ADORA1: variants seen among roughly 807,000 people sequenced by gnomAD.
ADORA1 encodes the protein adenosine receptor A1.
A neutral mutation model predicts 19.9 loss-of-function variants in ADORA1; 6 were observed. The ratio of observed to expected loss-of-function variants is 0.30; its 90% CI spans 0.17 to 0.59. The LOEUF is 0.59. ADORA1 is among the 20% of genes least tolerant of loss of function. ADORA1 has a pLI of 0.87. For synonymous variants in ADORA1, 194 were observed against 188.4 expected, an observed-to-expected ratio of 1.03 and a Z score of -0.24; for missense variants, 302 against 439.2, an observed-to-expected ratio of 0.69 and a Z score of 2.79.
At chr1:203,136,716 C>T (rs1365009970) in intron 3 of ADORA1, among the ~76,000 whole-genome samples, 2 of 152,002 alleles carry the variant, frequency 1.3e-5, no homozygotes, top group Admixed American at 6.5e-5. Flanking sequence ...TCCCACTCCA[C>T]ACTCACTCCA....
At chr1:203,129,387 A>G in intron 3 of ADORA1, 1 of 725,608 alleles carries the variant, frequency 1.4e-6, no homozygotes, top group Non-Finnish European at 1.7e-6. Context: ...GGAGGACTGT[A>G]CTGTGAACTT....
At chr1:203,141,288 G>A (rs933119071) in intron 3 of ADORA1, among the ~76,000 whole-genome samples, 1 of 152,242 alleles carries the variant, frequency 6.6e-6, no homozygotes, top group African/African-American at 2.4e-5. Context: ...ACTTTGCACT[G>A]CAGTTGGCAG....
At chr1:203,158,536 A>T (rs895940727) in intron 3 of ADORA1, among the ~76,000 whole-genome samples, 3 of 152,192 alleles carry the variant, frequency 2.0e-5, no homozygotes, top group African/African-American at 7.2e-5. Context: ...TGCTCCATTT[A>T]TGGCAGTCTG....
At chr1:203,153,976 G>A (rs1655115069) in intron 3 of ADORA1, among the ~76,000 whole-genome samples, 1 of 152,160 alleles carries the variant, frequency 6.6e-6, no homozygotes, top group South Asian at 2.1e-4. Flanking sequence ...CAAGAGTGAG[G>A]GAACGGAAGA....
chr1:203,151,788 GC>G (rs1655043987), intron 3 of ADORA1, among the ~76,000 whole-genome samples: 2 of 151,208 alleles, frequency 1.3e-5, no homozygotes, highest in African/African-American at 4.9e-5. Flanking sequence ...ATGCATGCAT[GC>G]ATTCATTCAT....
At chr1:203,129,610 G>A (rs1654269075) in intron 3 of ADORA1, 2 of 168,372 alleles carry the variant, frequency 1.2e-5, no homozygotes, top group South Asian at 3.5e-4. Flanking sequence ...AACATACTGA[G>A]GGTGGCACAA....
At chr1:203,136,812 G>A (rs920938007) in intron 3 of ADORA1, among the ~76,000 whole-genome samples, 1 of 152,020 alleles carries the variant, frequency 6.6e-6, no homozygotes, top group South Asian at 2.1e-4. Flanking sequence ...CAGCTGATTT[G>A]TCCCTACACC....
At chr1:203,132,707 C>T (rs945096624) in intron 3 of ADORA1, among the ~76,000 whole-genome samples, 5 of 152,058 alleles carry the variant, frequency 3.3e-5, no homozygotes, top group Admixed American at 6.5e-5. Context: ...AATAGCTGGG[C>T]GTGGTGGCAC....
chr1:203,147,167 C>T (rs925044130), intron 3 of ADORA1, among the ~76,000 whole-genome samples: 10 of 152,218 alleles, frequency 6.6e-5, no homozygotes, highest in East Asian at 1.9e-4. Context: ...TGCTCTTCTT[C>T]GCTCACAAGC....
chr1:203,158,458 A>T (rs995306425), intron 3 of ADORA1, among the ~76,000 whole-genome samples: 1 of 152,166 alleles, frequency 6.6e-6, no homozygotes. Flanking sequence ...CATTCAAATC[A>T]TCCCTTAAAA....
chr1:203,141,868 C>T (rs770768927), intron 3 of ADORA1, among the ~76,000 whole-genome samples: 6 of 152,138 alleles, frequency 3.9e-5, no homozygotes, highest in Non-Finnish European at 7.3e-5. Context: ...CAGGCATGAG[C>T]CACCACACCC....
chr1:203,166,206 G>C lies in ADORA1; in HGVS notation c.*306G>C, dbSNP rs1655549400. 2 of 273,682 alleles carry C rather than the reference G, an allele frequency of 7.3e-6. No homozygotes were observed. Among genetic ancestry groups the C allele is most frequent in the South Asian group, 3.2e-4 (2 of 6,248 alleles). 17.0% of individuals were successfully genotyped at this position (273,682 alleles called of 1,614,324 possible). A position where few individuals can be genotyped will look rare whatever the true frequency, so the allele number is the denominator to read the frequency against. On this transcript the variant is annotated 3_prime_UTR_variant, in exon 4 of 4. Coordinates refer to ENST00000337894, the MANE Select transcript of ADORA1 (RefSeq NM_000674.3). ...CCCATGAGCAGTCCAGAGCTTCAGG[G>C]CTGGGCAGGTCCTGGGGAGGCTGAG...
chr1:203,165,729 C>T lies in ADORA1; in HGVS notation c.810C>T (p.Thr270=). ...CCTGCCACAAGCCCAGCATCCTTAC[C>T]TACATTGCCATCTTCCTCACGCACG... is the stretch of plus-strand genomic sequence containing the variant. The part of the protein sequence containing the change: ...CPSCHKPSIL[T]YIAIFLTHGN... The change falls in exon 4 of 4, where the codon ACC becomes ACT. Residue 270 remains threonine, a synonymous_variant. Transcript: ENST00000337894. The surrounding 1 kb of genome is among the most constrained non-coding windows in gnomAD (Gnocchi z 5.9). 2 of 1,613,344 alleles carry T rather than the reference C, an allele frequency of 1.2e-6. No homozygotes were observed. The highest frequency in any genetic ancestry group is 8.5e-7 in the Non-Finnish European group (1 of 1,179,474).
chr1:203,161,648 C>T (rs1388231525), intron 3 of ADORA1, among the ~76,000 whole-genome samples: 1 of 151,390 alleles, frequency 6.6e-6, no homozygotes, highest in Non-Finnish European at 1.5e-5. Context: ...CTTGGCTCAC[C>T]ACAACCTCCG....
In ADORA1 at chr1:203,128,986, G is replaced by A. The variant is rs2275349; in HGVS notation, c.145G>A (p.Val49Met). The A allele has an allele frequency of 6.2e-7, 1 of 1,614,174 alleles. No individual in the cohort carries two copies. The highest frequency in any genetic ancestry group is 1.3e-5 in the African/African-American group (1 of 75,050). Residue 49 changes from valine (V) to methionine (M), a missense_variant, in exon 3 of 4, where the codon GTG (valine) becomes ATG (methionine). Coordinates refer to ENST00000337894, the MANE Select transcript of ADORA1 (RefSeq NM_000674.3). This position sits in a 1 kb window ranked among gnomAD's most constrained non-coding sequence, Gnocchi z 5.9. ...GCGGGATGCCACCTTCTGCTTCATC[G>A]TGTCGCTGGCGGTGGCTGATGTGGC... ...ALRDATFCFI[V>M]SLAVADVAVG...
intron 3 of ADORA1, among the ~76,000 whole-genome samples, chr1:203,160,385 G>A (rs1392020109): frequency 1.3e-5 from 2 of 152,204 alleles, no homozygotes; most frequent in East Asian, 1.9e-4. Flanking sequence ...TTTTCTTTGA[G>A]CGTCTTGTTG....
At chr1:203,155,370 G>A (rs1048954415) in intron 3 of ADORA1, among the ~76,000 whole-genome samples, 6 of 152,104 alleles carry the variant, frequency 3.9e-5, no homozygotes, top group East Asian at 1.9e-4. Flanking sequence ...GTGGCTTATC[G>A]TTTATGTTCT....
intron 3 of ADORA1, among the ~76,000 whole-genome samples, chr1:203,156,346 T>C (rs2102760645): frequency 6.6e-6 from 1 of 152,222 alleles, no homozygotes; most frequent in Non-Finnish European, 1.5e-5. Context: ...TCAGGAATCT[T>C]CCCTTAGGAC....
chr1:203,159,755 C>T (rs995234688), intron 3 of ADORA1, among the ~76,000 whole-genome samples: 6 of 152,216 alleles, frequency 3.9e-5, no homozygotes, highest in African/African-American at 1.4e-4. Flanking sequence ...TAGAACCTGG[C>T]ACCTGATAGG....
Sources: gnomAD v4.1 joint callset for allele counts (sites outside exome capture counted in the v4.1 genomes callset) on GRCh38, gnomAD v4.1.1 for gene constraint, Gnocchi (gnomAD v3.1) non-coding constraint, MANE v1.5 for transcripts, NCBI Gene and HGNC (gene_info 2026-07-23, HGNC 2026-07-21) for gene names.